The following NPEPL1 variants were observed in gnomAD, a reference collection of about 807,000 sequenced individuals.
The protein encoded by NPEPL1 is aminopeptidase like 1, also known as probable aminopeptidase NPEPL1.
Under a neutral mutation model 52.4 loss-of-function variants are expected in NPEPL1, and 45 were observed. The ratio of observed to expected loss-of-function variants is 0.86; its 90% confidence interval spans 0.68 to 1.10. The LOEUF (loss-of-function observed/expected upper bound fraction) is 1.10, where lower values mean the gene tolerates loss of function less well. Among genes scored for constraint, NPEPL1 ranks in the 50% least tolerant of loss-of-function variants. The pLI is 0.00. For synonymous variants in NPEPL1, 360 were observed against 314.7 expected, an observed-to-expected ratio of 1.14 and a Z score of -1.52; for missense variants, 696 against 710.9, an observed-to-expected ratio of 0.98 and a Z score of 0.24.
chr20:58,694,459 G>A lies in NPEPL1; in HGVS notation c.374G>A (p.Cys125Tyr). ...CAGCCGGAGGTCTTTGCTTCCGCCT[G>A]TGCCCTGGCCCGGGCCTTCCCGCTG... ...CEQPEVFASACALARAFPLFT... is the reference protein window; with the variant it reads ...CEQPEVFASAYALARAFPLFT... The change falls in exon 3 of 12, where the codon TGT becomes TAT. Residue 125 changes from cysteine to tyrosine, a missense_variant. Transcript: ENST00000356091. The A allele has an allele frequency of 6.2e-7, 1 of 1,613,572 alleles. No individual in the cohort carries two copies. Among genetic ancestry groups the A allele is most frequent in the Non-Finnish European group, 8.5e-7 (1 of 1,179,708 alleles).
At chr20:58,693,430 G>T in intron 1 of NPEPL1, 1 of 298,344 alleles carries the variant, frequency 3.4e-6, no homozygotes, top group Non-Finnish European at 6.2e-6. Context: ...GGGACACCTG[G>T]CCCCTGCCCC....
intron 10 of NPEPL1, 197 bp from the exon 11 acceptor site, chr20:58,714,363 C>G: frequency 1.7e-6 from 1 of 601,072 alleles, no homozygotes; most frequent in Non-Finnish European, 2.9e-6. Context: ...GCTGGCTTCC[C>G]CCTTGGCCTA....
intron 6 of NPEPL1, 106 bp from the exon 7 acceptor site, chr20:58,707,017 G>C: frequency 8.6e-7 from 1 of 1,168,956 alleles, no homozygotes; most frequent in Non-Finnish European, 1.2e-6. Flanking sequence ...CCTGAGAGCT[G>C]GGGAAGGTGG....
At position 58,713,232 on chromosome 20, in the gene NPEPL1, C is replaced by A; in HGVS notation, c.1002-188C>A. The A allele has an allele frequency of 1.5e-6, 1 of 663,364 alleles. No homozygotes were observed. Among genetic ancestry groups the A allele is most frequent in the South Asian group, 2.4e-5 (1 of 42,118 alleles). The allele number at this position is 663,364 out of a possible 1,614,324, so 41.1% of individuals were successfully genotyped here. A position where few individuals can be genotyped will look rare whatever the true frequency, so the allele number is the denominator to read the frequency against. ...GGGGCAGGGATGTCACCTGGAAGCC[C>A]TTTGCTCCAGGCACTGCATTGCTGT... On this transcript the variant is annotated intron_variant, in intron 8 of 11. Transcript: ENST00000356091. This position sits in a 1 kb window ranked among gnomAD's most constrained non-coding sequence, Gnocchi z 4.6.
At chr20:58,709,326 G>C (rs1485040197) in intron 7 of NPEPL1, among the ~76,000 whole-genome samples, 2 of 152,156 alleles carry the variant, frequency 1.3e-5, no homozygotes, top group Non-Finnish European at 2.9e-5. Flanking sequence ...AATCCTCAGG[G>C]TAATGCATTT....
intron 5 of NPEPL1, among the ~76,000 whole-genome samples, chr20:58,699,619 C>A (rs2084570674): frequency 6.6e-6 from 1 of 152,224 alleles, no homozygotes; most frequent in South Asian, 2.1e-4. Flanking sequence ...CACAAGTTCC[C>A]ATCACGGCAG....
chr20:58,707,061 TC>T, intron 6 of NPEPL1, 61 bp from the exon 7 acceptor site: 2 of 1,509,428 alleles, frequency 1.3e-6, no homozygotes, highest in Non-Finnish European at 9.0e-7. Flanking sequence ...GTGGGGGGCT[TC>T]CGCTGCCAGG....
intron 11 of NPEPL1, 53 bp downstream of exon 11, chr20:58,714,723 A>C: frequency 1.4e-6 from 2 of 1,383,502 alleles, no homozygotes; most frequent in Non-Finnish European, 2.0e-6. Context: ...GCTTGTCCAA[A>C]CAGCGCCCCT....
intron 3 of NPEPL1, among the ~76,000 whole-genome samples, chr20:58,697,475 A>C (rs1020066291): frequency 3.3e-5 from 5 of 152,230 alleles, no homozygotes; most frequent in African/African-American, 1.2e-4. Flanking sequence ...GTCAAGGTCC[A>C]GGTTTCTACC....
Position 58,713,724 on chromosome 20 carries a change from G to T in NPEPL1, c.1125+181G>T, listed in dbSNP as rs984159482. On this transcript the variant is annotated intron_variant, in intron 9 of 11. Transcript: ENST00000356091. This position sits in a 1 kb window ranked among gnomAD's most constrained non-coding sequence, Gnocchi z 4.6. ...TGTGGGCAGTACCGAGGCCCAGGCT[G>T]GATGCAGAGCCGGGAACCGCCTCCT... 3 of 1,082,564 alleles carry T rather than the reference G, an allele frequency of 2.8e-6. No homozygotes were observed. Among genetic ancestry groups the T allele is most frequent in the African/African-American group, 3.2e-5 (2 of 62,742 alleles). The allele number at this position is 1,082,564 out of a possible 1,614,324, so 67.1% of individuals were successfully genotyped here. A position where few individuals can be genotyped will look rare whatever the true frequency, so the allele number is the denominator to read the frequency against.
chr20:58,699,709 C>T (rs1281876895), intron 5 of NPEPL1, among the ~76,000 whole-genome samples: 1 of 152,166 alleles, frequency 6.6e-6, no homozygotes, highest in Non-Finnish European at 1.5e-5. Context: ...CCATCTCAAC[C>T]AATGCCCCCT....
rs1370151942 is a variant in NPEPL1, at chr20:58,714,045, C to A, written c.1254C>A (p.His418Gln). 1 of 1,544,106 alleles carries A rather than the reference C, an allele frequency of 6.5e-7. No individual in the cohort carries two copies. Among genetic ancestry groups the A allele is most frequent in the Non-Finnish European group, 8.7e-7 (1 of 1,145,892 alleles). The change falls in exon 10 of 12, where the codon CAC becomes CAA. Residue 418 changes from histidine to glutamine, a missense_variant. By Grantham distance (24) the His-to-Gln change is conservative. Coordinates refer to ENST00000356091, the MANE Select transcript of NPEPL1 (RefSeq NM_024663.4). ...VHPLVYCPEL[H>Q]FSEFTSAVAD... ...CGCTGGTCTACTGCCCCGAGCTGCACTTCAGCGAGTTCACCTCAGCTGTGG... is the reference window on the plus strand; with the variant it reads ...CGCTGGTCTACTGCCCCGAGCTGCAATTCAGCGAGTTCACCTCAGCTGTGG...
chr20:58,711,216 A>C (rs898818971), intron 7 of NPEPL1: 6 of 149,534 alleles, frequency 4.0e-5, no homozygotes, highest in Non-Finnish European at 7.4e-5. Flanking sequence ...GGTGGAGCTC[A>C]TCTCTGTGGC....
At chr20:58,715,134 C>A in intron 11 of NPEPL1, 34 bp from the exon 12 acceptor site, 7 of 1,574,518 alleles carry the variant, frequency 4.4e-6, no homozygotes, top group African/African-American at 1.3e-5. Context: ...TGCAGCCCCA[C>A]GCCCAGAGTC....
rs577978199 is a variant in NPEPL1 at position 58,694,068 on chromosome 20, CAG to C, written c.336+147_336+148del. ...CATCCCTGCTCTGTAGACAGGGAAA[CAG>C]GTCCAGAGAGACGCGGGGATTTGCC... On this transcript the variant is annotated intron_variant, in intron 2 of 11. Coordinates refer to ENST00000356091, the MANE Select transcript of NPEPL1 (RefSeq NM_024663.4). The C allele has an allele frequency of 2.4e-3, 2,044 of 858,264 alleles. 8 individuals are homozygous for C. Among genetic ancestry groups the C allele is most frequent in the Non-Finnish European group, 3.2e-3 (1,861 of 580,980 alleles). 53.2% of individuals were successfully genotyped at this position (858,264 alleles called of 1,614,324 possible). A position where few individuals can be genotyped will look rare whatever the true frequency, so the allele number is the denominator to read the frequency against.
At chr20:58,703,426 C>T (rs966537123) in intron 6 of NPEPL1, 9 of 976,886 alleles carry the variant, frequency 9.2e-6, no homozygotes, top group Admixed American at 1.2e-4. Flanking sequence ...ACAGATAGTG[C>T]ACCCCCTACT....
At chr20:58,705,998 T>C (rs921439962) in intron 6 of NPEPL1, among the ~76,000 whole-genome samples, 1 of 152,228 alleles carries the variant, frequency 6.6e-6, no homozygotes, top group African/African-American at 2.4e-5. Flanking sequence ...AAAGCTTGTG[T>C]AATAAGATAA....
chr20:58,705,889 A>G (rs2084726026), intron 6 of NPEPL1, among the ~76,000 whole-genome samples: 1 of 152,226 alleles, frequency 6.6e-6, no homozygotes, highest in African/African-American at 2.4e-5. Flanking sequence ...AGATTAGCTC[A>G]GAAGAGATGG....
intron 5 of NPEPL1, among the ~76,000 whole-genome samples, chr20:58,700,158 G>A (rs2084584272): frequency 6.6e-6 from 1 of 152,226 alleles, no homozygotes; most frequent in African/African-American, 2.4e-5. Context: ...GGGATAAAGA[G>A]CGAGCAAACA....
Sources: allele counts gnomAD v4.1 joint callset (sites outside exome capture counted in the v4.1 genomes callset), GRCh38; gene constraint gnomAD v4.1.1; non-coding constraint Gnocchi (gnomAD v3.1); transcripts MANE v1.5; gene names NCBI Gene and HGNC (gene_info 2026-07-23, HGNC 2026-07-21).